Variants in HINFP observed in about 807,000 individuals in gnomAD.
The protein encoded by HINFP is MBD2 (methyl-CpG-binding protein)-interacting zinc finger protein.
HINFP carries 20 observed loss-of-function variants against 50.1 expected under a neutral mutation model. The ratio of observed to expected loss-of-function variants is 0.40; its 90% CI spans 0.28 to 0.58. The LOEUF (loss-of-function observed/expected upper bound fraction) is 0.58, where lower values mean the gene tolerates loss of function less well. HINFP is among the 20% of genes least tolerant of loss of function. HINFP has a pLI of 0.45. For synonymous variants in HINFP, 247 were observed against 243.7 expected (o/e 1.01, Z -0.13); for missense variants, 505 against 664.1 (o/e 0.76, Z 2.63).
intron 5 of HINFP, 37 bp from the exon 6 acceptor site, chr11:119,132,459 C>T (rs1947816475): frequency 6.2e-7 from 1 of 1,607,788 alleles, no homozygotes; most frequent in African/African-American, 1.3e-5. Context: ...TCCACTATCA[C>T]CTACAGCCCT....
At chr11:119,127,429 A>T (rs1173503900) in intron 2 of HINFP, 3 of 159,138 alleles carry the variant, frequency 1.9e-5, no homozygotes, top group Non-Finnish European at 3.7e-5. Context: ...GCTTTTTTTT[A>T]ATCATTCTGT....
At position 119,128,758 on chromosome 11, in the gene HINFP, G is replaced by C. The variant is rs183792405; in HGVS notation, c.181+1633G>C. Among the ~76,000 whole-genome samples, 350 of 151,374 alleles carry C rather than the reference G, an allele frequency of 2.3e-3. 4 individuals carry two copies. Among genetic ancestry groups the C allele is most frequent in the African/African-American group, 8.2e-3 (338 of 41,248 alleles). On this transcript the variant is annotated intron_variant, in intron 2 of 9. Transcript: ENST00000350777. Reference sequence around the variant, plus strand: ...TCTGTCGCCAGGCTGGAGTGTGGTGGTGCGATCTCAGCTCACTGCAACCTC... The same window carrying C: ...TCTGTCGCCAGGCTGGAGTGTGGTGCTGCGATCTCAGCTCACTGCAACCTC...
Position 119,132,850 on chromosome 11 carries a change from A to T in HINFP, c.876-14A>T. 6.2e-7 allele frequency: 1 copy of T among 1,614,092 alleles called. No individual in the cohort carries two copies. On this transcript the variant is annotated splice_polypyrimidine_tract_variant and intron_variant, in intron 7 of 9. Transcript: ENST00000350777. ...TCCCCATGTCCTCCAATCCCTCCTG[A>T]TTTCTCATGGCAGCTGCAAGAATCT...
chr11:119,133,027 G>C (rs753188074), intron 8 of HINFP, 25 bp downstream of exon 8: 26 of 1,614,246 alleles, frequency 1.6e-5, no homozygotes, highest in Non-Finnish European at 2.2e-5. Context: ...TGTTGGGAAG[G>C]ACTAGTGGAA....
chr11:119,132,593 C>G lies in HINFP; in HGVS notation c.754+20C>G. Reference sequence around the variant, plus strand: ...ACCATGGTGAGTGGCCTGCGGCCCACAGCCTCCCTCCTGCCCTCCAAGGTT... The same window carrying G: ...ACCATGGTGAGTGGCCTGCGGCCCAGAGCCTCCCTCCTGCCCTCCAAGGTT... On this transcript the variant is annotated intron_variant, in intron 6 of 9. Transcript: ENST00000350777. The G allele has an allele frequency of 6.2e-7, 1 of 1,614,124 alleles. No homozygotes were observed. Among genetic ancestry groups the G allele is most frequent in the South Asian group, 1.1e-5 (1 of 91,084 alleles).
chr11:119,127,116 G>T lies in HINFP; in HGVS notation c.172G>T (p.Asp58Tyr). 1 of 1,610,658 alleles carries T rather than the reference G, an allele frequency of 6.2e-7. No homozygotes were observed. Among genetic ancestry groups the T allele is most frequent in the South Asian group, 1.1e-5 (1 of 90,746 alleles). Residue 58 changes from aspartate to tyrosine, a missense_variant, in exon 2 of 10, where the codon GAC becomes TAC. Transcript: ENST00000350777. ...GGAGGAGGAAGAGGAAGAGGAGGATGACCCACTTGGTAAGAGAGCAGGACA... is the reference window on the plus strand; with the variant it reads ...GGAGGAGGAAGAGGAAGAGGAGGATTACCCACTTGGTAAGAGAGCAGGACA... ...GEEEEEEEED[D>Y]PLEEEFSCLW...
Position 119,127,087 on chromosome 11 carries a change from GGGAGGA to G in HINFP, c.150_155del (p.Glu55_Glu56del), listed in dbSNP as rs769739800. 2.5e-6 allele frequency: 4 copies of G among 1,613,420 alleles called. No individual in the cohort carries two copies. The highest frequency in any genetic ancestry group is 2.7e-5 in the African/African-American group (2 of 74,906). On this transcript the variant is annotated inframe_deletion, in exon 2 of 10. Coordinates refer to ENST00000350777, the MANE Select transcript of HINFP (RefSeq NM_198971.3). ...CTGCAGCAGCACCTGCATGGCTCTG[GGGAGGA>G]GGAGGAAGAGGAAGAGGAGGATGAC...
rs59395600 is a variant in HINFP at position 119,129,490 on chromosome 11, C to CTT, written c.182-1221_182-1220dup. Among the ~76,000 whole-genome samples the CTT allele has an allele frequency of 3.6e-3, 445 of 124,164 alleles. 23 individuals are homozygous for CTT. The highest frequency in any genetic ancestry group is 0.012 in the African/African-American group (395 of 32,620). The allele number at this position is 124,164 out of a possible 152,430, so 81.5% of individuals were successfully genotyped here. A position where few individuals can be genotyped will look rare whatever the true frequency, so the allele number is the denominator to read the frequency against. On this transcript the variant is annotated intron_variant, in intron 2 of 9. Coordinates refer to ENST00000350777, the MANE Select transcript of HINFP (RefSeq NM_198971.3). Reference sequence around the variant, plus strand: ...TCTGGCAGGAATACATTTTTCTTTTCTTTTTTTTTTTTTTTGTGGGAGTGC... The same window carrying CTT: ...TCTGGCAGGAATACATTTTTCTTTTCTTTTTTTTTTTTTTTTTGTGGGAGTGC...
At chr11:119,128,524 GC>G (rs1378462763) in intron 2 of HINFP, among the ~76,000 whole-genome samples, 2 of 150,766 alleles carry the variant, frequency 1.3e-5, no homozygotes, top group Non-Finnish European at 3.0e-5. Context: ...TAGCCAGGAT[GC>G]CCCTGTTGGC....
chr11:119,129,697 C>T (rs1464238115), intron 2 of HINFP, among the ~76,000 whole-genome samples: 1 of 151,816 alleles, frequency 6.6e-6, no homozygotes, highest in Non-Finnish European at 1.5e-5. Context: ...ATCTCCTGAC[C>T]TCGTGATCTG....
Position 119,131,008 on chromosome 11 carries a change from T to C in HINFP, c.411+54T>C, listed in dbSNP as rs780914712. ...GGAAGGAAGCTGGGGGTCTTAACTC[T>C]GATGCCTTGTCCCTTTCAGGGATGC... On this transcript the variant is annotated intron_variant, in intron 3 of 9. Transcript: ENST00000350777. This position sits in a 1 kb window ranked among gnomAD's most constrained non-coding sequence, Gnocchi z 4.2. The C allele has an allele frequency of 2.2e-6, 3 of 1,381,698 alleles. No individual in the cohort carries two copies. The South Asian group carries it at 3.5e-5, about 16-fold the overall frequency. 85.6% of individuals were successfully genotyped at this position (1,381,698 alleles called of 1,614,324 possible).
rs545655684 is a variant in HINFP at position 119,135,730 on chromosome 11, A to G, written c.*1232A>G. On this transcript the variant is annotated 3_prime_UTR_variant, in exon 10 of 10. Coordinates refer to ENST00000350777, the MANE Select transcript of HINFP (RefSeq NM_198971.3). The stretch of plus-strand genomic sequence containing the variant: ...GCCTTTTTTTGTAAGACCTAATTCT[A>G]TTACTAGAAAAACTAAGGCTGAATG... 10 of 152,264 alleles carry G rather than the reference A, an allele frequency of 6.6e-5. No individual in the cohort carries two copies. Among genetic ancestry groups the G allele is most frequent in the African/African-American group, 2.2e-4 (9 of 41,550 alleles). 9.4% of individuals were successfully genotyped at this position (152,264 alleles called of 1,614,324 possible).
chr11:119,132,894 C>T lies in HINFP; in HGVS notation c.906C>T (p.His302=). Residue 302 remains histidine (H), a synonymous_variant, in exon 8 of 10, where the codon CAC becomes CAT. Coordinates refer to ENST00000350777, the MANE Select transcript of HINFP (RefSeq NM_198971.3). ...SCKNLIDLQK[H]LDTHSEEPAY... ...AGAATCTTATTGACCTCCAGAAGCA[C>T]CTGGATACCCACAGCGAGGAGCCAG... The T allele has an allele frequency of 6.2e-7, 1 of 1,614,244 alleles. No homozygotes were observed. Among genetic ancestry groups the T allele is most frequent in the South Asian group, 1.1e-5 (1 of 91,090 alleles).
At chr11:119,130,309 A>G (rs868208716) in intron 2 of HINFP, 50 of 221,022 alleles carry the variant, frequency 2.3e-4, no homozygotes, top group African/African-American at 1.1e-3. Flanking sequence ...ACCTATTTAC[A>G]GATACTCATC....
chr11:119,131,165 T>C lies in HINFP; in HGVS notation c.411+211T>C. ...GTGCAGTGGTACAATCATAGCTCAC[T>C]GTAACCTTGAACTCCTGGGCTCAAG... On this transcript the variant is annotated intron_variant, in intron 3 of 9. Transcript: ENST00000350777. The surrounding 1 kb of genome is among the most constrained non-coding windows in gnomAD (Gnocchi z 4.2). The C allele has an allele frequency of 8.8e-6, 6 of 681,890 alleles. No individual in the cohort carries two copies. The highest frequency in any genetic ancestry group is 1.3e-5 in the Non-Finnish European group (5 of 373,958). The allele number at this position is 681,890 out of a possible 1,614,324, so 42.2% of individuals were successfully genotyped here.
chr11:119,132,030 A>G (rs759866999), intron 5 of HINFP, 48 bp downstream of exon 5: 3 of 1,607,138 alleles, frequency 1.9e-6, no homozygotes, highest in Non-Finnish European at 2.6e-6. Context: ...CCTGCTTGGA[A>G]TGGGTTAGGG....
At chr11:119,132,810 C>T in intron 7 of HINFP, 29 bp downstream of exon 7, 2 of 1,613,862 alleles carry the variant, frequency 1.2e-6, no homozygotes. Flanking sequence ...CAGAAAACAG[C>T]TCATGTTCCA....
Position 119,134,608 on chromosome 11 carries a change from C to T in HINFP, c.*110C>T, listed in dbSNP as rs904854701. 110 of 817,178 alleles carry T rather than the reference C, an allele frequency of 1.3e-4. No homozygotes were observed. Among genetic ancestry groups the T allele is most frequent in the Non-Finnish European group, 1.7e-4 (91 of 533,784 alleles). 50.6% of individuals were successfully genotyped at this position (817,178 alleles called of 1,614,324 possible). A position where few individuals can be genotyped will look rare whatever the true frequency, so the allele number is the denominator to read the frequency against. ...CAATGGATGCCTTTAGGAGTGGTGCCGAGAGCAGTGTGGTCCACTCTGGCC... is the reference window on the plus strand; with the variant it reads ...CAATGGATGCCTTTAGGAGTGGTGCTGAGAGCAGTGTGGTCCACTCTGGCC... On this transcript the variant is annotated 3_prime_UTR_variant, in exon 10 of 10. Transcript: ENST00000350777. This position sits in a 1 kb window ranked among gnomAD's most constrained non-coding sequence, Gnocchi z 4.3.
chr11:119,134,475 G>C lies in HINFP; in HGVS notation c.1531G>C (p.Glu511Gln). The change falls in exon 10 of 10, where the codon GAG (glutamate) becomes CAG (glutamine). Residue 511 changes from glutamate (E) to glutamine (Q), a missense_variant. By Grantham distance (29) the Glu-to-Gln change is conservative. Coordinates refer to ENST00000350777, the MANE Select transcript of HINFP (RefSeq NM_198971.3). The surrounding 1 kb of genome is among the most constrained non-coding windows in gnomAD (Gnocchi z 4.3). The stretch of plus-strand genomic sequence containing the variant: ...GGAAAAGCTTCAAGGAATAGCTGAG[G>C]AGCCAGAGATCCAGATGGTTTGAAG... ...IMEKLQGIAE[E>Q]PEIQMV 1 of 1,606,938 alleles carries C rather than the reference G, an allele frequency of 6.2e-7. No homozygotes were observed. Among genetic ancestry groups the C allele is most frequent in the Non-Finnish European group, 8.5e-7 (1 of 1,175,358 alleles).
Sources: gnomAD v4.1 joint callset for allele counts (sites outside exome capture counted in the v4.1 genomes callset) on GRCh38, gnomAD v4.1.1 for gene constraint, Gnocchi (gnomAD v3.1) non-coding constraint, MANE v1.5 for transcripts, NCBI Gene and HGNC (gene_info 2026-07-23, HGNC 2026-07-21) for gene names.